Variants in COL10A1 observed in about 807,000 individuals in gnomAD.
COL10A1 encodes collagen type X alpha 1 chain, also known as collagen alpha-1(X) chain.
In COL10A1, 10 loss-of-function variants were observed where a neutral mutation model predicts 18.2. The ratio of observed to expected loss-of-function variants is 0.55; its 90% CI spans 0.34 to 0.93. The LOEUF is 0.93. COL10A1 is among the 40% of genes least tolerant of loss of function. The probability of loss-of-function intolerance (pLI) is 0.02; values close to 1 mark genes in which losing one functional copy is unlikely to be tolerated. For missense variants in COL10A1, 897 were observed against 853.5 expected, an observed-to-expected ratio of 1.05 and a Z score of -0.64; for synonymous variants, 330 against 316.6, an observed-to-expected ratio of 1.04 and a Z score of -0.45.
the COL10A1 span, among the ~76,000 whole-genome samples, chr6:116,202,472 C>T: frequency 6.6e-6 from 1 of 151,902 alleles, no homozygotes; most frequent in East Asian, 1.9e-4. Flanking sequence ...CTTGATTCCA[C>T]CTTTAAGAGT....
upstream of COL10A1, among the ~76,000 whole-genome samples, chr6:116,128,837 A>G (rs913839194): frequency 2.0e-5 from 3 of 152,164 alleles, no homozygotes; most frequent in Non-Finnish European, 2.9e-5. Context: ...GTTAGAATGT[A>G]TAGTCTGATA....
the COL10A1 span, among the ~76,000 whole-genome samples, chr6:116,178,088 T>TGTGTGTGTGCGC: frequency 3.0e-4 from 30 of 99,656 alleles, no homozygotes; most frequent in African/African-American, 1.4e-3. Flanking sequence ...TGTGTGTGTG[T>TGTGTGTGTGCGC]GCGCGCGCGC....
chr6:116,156,888 G>C (rs186340127), intron 1 of COL10A1, among the ~76,000 whole-genome samples: 4 of 152,208 alleles, frequency 2.6e-5, no homozygotes, highest in South Asian at 4.1e-4. Context: ...AACCCCTTTT[G>C]TTCTCCTCAG....
At chr6:116,143,350 A>G (rs946949397) in intron 1 of COL10A1, among the ~76,000 whole-genome samples, 2 of 152,164 alleles carry the variant, frequency 1.3e-5, no homozygotes, top group Non-Finnish European at 2.9e-5. Context: ...AGCTGGGATT[A>G]TAGGCATGCA....
chr6:116,155,752 TA>T (rs58270869), intron 1 of COL10A1, among the ~76,000 whole-genome samples: 7,949 of 114,588 alleles, frequency 0.069, 384 homozygotes, highest in African/African-American at 0.16. Flanking sequence ...TACTTCTCCT[TA>T]AAAAAAAAAA....
chr6:116,152,994 A>C (rs1376138589), intron 1 of COL10A1, among the ~76,000 whole-genome samples: 1 of 152,130 alleles, frequency 6.6e-6, no homozygotes, highest in Non-Finnish European at 1.5e-5. Context: ...TGATTGCTTT[A>C]TACTTTACCA....
chr6:116,119,797 C>A lies in COL10A1; in HGVS notation c.*276G>T. On this transcript the variant is annotated 3_prime_UTR_variant, in exon 3 of 3. Transcript: ENST00000651968. Reference sequence around the variant, plus strand: ...TTTGTTTTTTGTTGTTTGTTTTTAACATAGCAGGACTTCTTTGGTGATATT... The same window carrying A: ...TTTGTTTTTTGTTGTTTGTTTTTAAAATAGCAGGACTTCTTTGGTGATATT... The A allele has an allele frequency of 4.0e-5, 11 of 276,744 alleles. No individual in the cohort carries two copies. Among genetic ancestry groups the A allele is most frequent in the Non-Finnish European group, 6.7e-5 (10 of 149,600 alleles). The allele number at this position is 276,744 out of a possible 1,614,324, so 17.1% of individuals were successfully genotyped here.
the COL10A1 span, among the ~76,000 whole-genome samples, chr6:116,177,527 A>G: frequency 2.0e-5 from 3 of 152,176 alleles, no homozygotes; most frequent in Non-Finnish European, 4.4e-5. Flanking sequence ...TAAGTACTAA[A>G]TGTAAAATAT....
chr6:116,128,190 C>T (rs1779372869), upstream of COL10A1, among the ~76,000 whole-genome samples: 1 of 152,032 alleles, frequency 6.6e-6, no homozygotes, highest in East Asian at 1.9e-4. Flanking sequence ...ATGTGGTGTC[C>T]TTATTGAATA....
chr6:116,174,181 A>AT, the COL10A1 span, among the ~76,000 whole-genome samples: 1 of 152,116 alleles, frequency 6.6e-6, no homozygotes, highest in African/African-American at 2.4e-5. Context: ...CCAACATAGC[A>AT]TTTGCCATGT....
chr6:116,165,534 A>T, the COL10A1 span, among the ~76,000 whole-genome samples: 3 of 152,190 alleles, frequency 2.0e-5, no homozygotes, highest in Non-Finnish European at 2.9e-5. Context: ...TTCATTTTTT[A>T]AAATTCTCTT....
In COL10A1 at chr6:116,120,434, G is replaced by C. The variant is rs201416912; in HGVS notation, c.1682C>G (p.Ala561Gly). 1.2e-6 allele frequency: 2 copies of C among 1,614,266 alleles called. No individual in the cohort carries two copies. Among genetic ancestry groups the C allele is most frequent in the Non-Finnish European group, 1.7e-6 (2 of 1,180,042 alleles). The stretch of plus-strand genomic sequence containing the variant: ...TATGGGAGTTCCTATTGCTGGGTAA[G>C]CTTTGGAGAGAATAACAGTAAAAGC... ...VSAFTVILSK[A>G]YPAIGTPIPF... Residue 561 changes from alanine to glycine, a missense_variant, in exon 3 of 3, where the codon GCT (alanine) becomes GGT (glycine). Physicochemically the swap from Ala to Gly is moderately conservative, Grantham distance 60. Coordinates refer to ENST00000651968, the MANE Select transcript of COL10A1 (RefSeq NM_000493.4).
chr6:116,156,800 T>TC (rs1780205677), intron 1 of COL10A1, among the ~76,000 whole-genome samples: 1 of 152,090 alleles, frequency 6.6e-6, no homozygotes, highest in African/African-American at 2.4e-5. Context: ...AAAGTAGAGA[T>TC]CAGATAGCAA....
upstream of COL10A1, among the ~76,000 whole-genome samples, chr6:116,163,517 TG>T (rs545507477): frequency 2.0e-3 from 307 of 152,250 alleles, 1 homozygote; most frequent in African/African-American, 7.2e-3. Context: ...CTTTTTTTCT[TG>T]TTTAATCTAG....
At chr6:116,195,038 C>T in the COL10A1 span, among the ~76,000 whole-genome samples, 1 of 152,088 alleles carries the variant, frequency 6.6e-6, no homozygotes, top group Non-Finnish European at 1.5e-5. Context: ...CTCTACCGCT[C>T]TCTCTATATT....
At chr6:116,129,200 A>T (rs1278514360), upstream of COL10A1, among the ~76,000 whole-genome samples, 1 of 152,236 alleles carries the variant, frequency 6.6e-6, no homozygotes, top group Non-Finnish European at 1.5e-5. Flanking sequence ...TGTAGTTCAC[A>T]TACATATATA....
the COL10A1 span, among the ~76,000 whole-genome samples, chr6:116,194,421 A>G: frequency 1.3e-5 from 2 of 152,018 alleles, no homozygotes; most frequent in Non-Finnish European, 2.9e-5. Context: ...CAATTTCGGG[A>G]AAAAAATGGC....
Position 116,121,341 on chromosome 6 carries a change from C to G in COL10A1, c.775G>C (p.Gly259Arg). 2 of 1,614,100 alleles carry G rather than the reference C, an allele frequency of 1.2e-6. No individual in the cohort carries two copies. Among genetic ancestry groups the G allele is most frequent in the Non-Finnish European group, 1.7e-6 (2 of 1,180,000 alleles). ...PGPQGPPGER[G>R]PEGIGKPGAA... Reference sequence around the variant, plus strand: ...CCTGGCTTTCCAATGCCTTCTGGCCCTCGTTCCCCAGGAGGGCCTTGGGGA... The same window carrying G: ...CCTGGCTTTCCAATGCCTTCTGGCCGTCGTTCCCCAGGAGGGCCTTGGGGA... The change falls in exon 3 of 3, where the codon GGG (glycine) becomes CGG (arginine). Residue 259 changes from glycine (G) to arginine (R), a missense_variant. Coordinates refer to ENST00000651968, the MANE Select transcript of COL10A1 (RefSeq NM_000493.4).
chr6:116,170,262 G>A, the COL10A1 span, among the ~76,000 whole-genome samples: 5 of 152,102 alleles, frequency 3.3e-5, no homozygotes, highest in Admixed American at 1.3e-4. Flanking sequence ...CAGTGATTGG[G>A]GGGTGTGACC....
Sources: gnomAD v4.1 joint callset for allele counts (sites outside exome capture counted in the v4.1 genomes callset) on GRCh38, gnomAD v4.1.1 for gene constraint, MANE v1.5 for transcripts, NCBI Gene and HGNC (gene_info 2026-07-23, HGNC 2026-07-21) for gene names.